The following BBX variants were observed in gnomAD, a reference collection of about 807,000 sequenced individuals.
BBX encodes HMG box transcription factor BBX.
Under a neutral mutation model 100.2 loss-of-function variants are expected in BBX, and 30 were observed. The observed-to-expected ratio is 0.30, with a 90% confidence interval of 0.22 to 0.41. The LOEUF (loss-of-function observed/expected upper bound fraction) is 0.41, where lower values mean the gene tolerates loss of function less well. BBX is among the 10% of genes least tolerant of loss of function. The probability of loss-of-function intolerance (pLI) is 1.00; values close to 1 mark genes in which losing one functional copy is unlikely to be tolerated. For missense variants in BBX, 1,023 were observed against 1,129.8 expected (o/e 0.91, Z 1.35); for synonymous variants, 376 against 388.1 (o/e 0.97, Z 0.37).
chr3:107,654,909 G>A (rs887156994), intron 3 of BBX, among the ~76,000 whole-genome samples: 1 of 152,136 alleles, frequency 6.6e-6, no homozygotes, highest in African/African-American at 2.4e-5. Flanking sequence ...CATATGGCAG[G>A]CACTATTAAG....
At chr3:107,628,108 C>T (rs2056316210) in intron 2 of BBX, among the ~76,000 whole-genome samples, 1 of 152,010 alleles carries the variant, frequency 6.6e-6, no homozygotes, top group Non-Finnish European at 1.5e-5. Context: ...AATCAGTAGA[C>T]TATCTTGATT....
chr3:107,533,250 G>T (rs2048283883), intron 2 of BBX, among the ~76,000 whole-genome samples: 1 of 152,080 alleles, frequency 6.6e-6, no homozygotes, highest in South Asian at 2.1e-4. Context: ...TTTAAATAAG[G>T]GATTGTGATC....
chr3:107,701,350 T>C (rs2061035597), intron 3 of BBX, among the ~76,000 whole-genome samples: 1 of 152,216 alleles, frequency 6.6e-6, no homozygotes, highest in Non-Finnish European at 1.5e-5. Context: ...TTGGGCATGC[T>C]GCTTAAGGTT....
chr3:107,673,848 AC>A (rs1270809855), intron 3 of BBX, among the ~76,000 whole-genome samples: 1 of 152,162 alleles, frequency 6.6e-6, no homozygotes. Context: ...ATAAACACAT[AC>A]CTTTTCCACA....
intron 2 of BBX, among the ~76,000 whole-genome samples, chr3:107,535,593 C>CTTTT: frequency 7.5e-6 from 1 of 132,854 alleles, no homozygotes; most frequent in Non-Finnish European, 1.6e-5. Flanking sequence ...TGCTCTGTTC[C>CTTTT]TTTTTTTTTT....
intron 13 of BBX, among the ~76,000 whole-genome samples, chr3:107,782,046 T>C (rs1015177799): frequency 2.6e-5 from 4 of 152,172 alleles, no homozygotes; most frequent in African/African-American, 9.6e-5. Context: ...CAGAGTTCTG[T>C]ATCTTTCTCC....
chr3:107,661,385 A>G (rs1232428414), intron 3 of BBX, among the ~76,000 whole-genome samples: 3 of 152,164 alleles, frequency 2.0e-5, no homozygotes, highest in Non-Finnish European at 2.9e-5. Flanking sequence ...GTCTTGGGCA[A>G]GTCACATTAC....
rs58393281 is a variant in BBX at position 107,584,672 on chromosome 3, C to CTT, written c.-84+58309_-84+58310dup. ...TAAAAAGTGATTTTTCCGTTGAAAT[C>CTT]TTTTTTTTTTTTTTTTTTTTTTTTT... On this transcript the variant is annotated intron_variant, in intron 2 of 17. Coordinates refer to ENST00000325805, the MANE Select transcript of BBX (RefSeq NM_001142568.3). Among the ~76,000 whole-genome samples, 7 of 28,374 alleles carry CTT rather than the reference C, an allele frequency of 2.5e-4. 2 individuals carry two copies. Among genetic ancestry groups the CTT allele is most frequent in the Admixed American group, 6.7e-4 (1 of 1,490 alleles). The allele number at this position is 28,374 out of a possible 152,430, so 18.6% of individuals were successfully genotyped here. A position where few individuals can be genotyped will look rare whatever the true frequency, so the allele number is the denominator to read the frequency against.
chr3:107,592,305 G>A (rs1393990018), intron 2 of BBX, among the ~76,000 whole-genome samples: 1 of 142,012 alleles, frequency 7.0e-6, no homozygotes, highest in Non-Finnish European at 1.5e-5. Flanking sequence ...AGGTTGCAGT[G>A]AGCCGAGATT....
At chr3:107,593,607 G>T (rs957765598) in intron 2 of BBX, among the ~76,000 whole-genome samples, 1 of 152,178 alleles carries the variant, frequency 6.6e-6, no homozygotes, top group Non-Finnish European at 1.5e-5. Context: ...GATCGTAGAG[G>T]GTAATGGGGA....
intron 2 of BBX, among the ~76,000 whole-genome samples, chr3:107,541,374 A>G (rs1436248096): frequency 6.6e-6 from 1 of 152,184 alleles, no homozygotes; most frequent in Non-Finnish European, 1.5e-5. Flanking sequence ...TATTTGGAGT[A>G]GCAGTGGTGA....
intron 2 of BBX, among the ~76,000 whole-genome samples, chr3:107,615,209 C>T (rs75823315): frequency 2.7e-3 from 415 of 152,176 alleles, no homozygotes; most frequent in Non-Finnish European, 4.9e-3. Context: ...TATTTAAGAA[C>T]TTGAGTTAAT....
In BBX at chr3:107,809,654, C is replaced by T. The variant is rs2071213172; in HGVS notation, c.*4197C>T. 3.9e-5 allele frequency: 6 copies of T among 152,188 alleles called. No homozygotes were observed. Among genetic ancestry groups the T allele is most frequent in the Admixed American group, 3.9e-4 (6 of 15,278 alleles). 9.4% of individuals were successfully genotyped at this position (152,188 alleles called of 1,614,324 possible). On this transcript the variant is annotated 3_prime_UTR_variant, in exon 18 of 18. Transcript: ENST00000325805. ...TTTTGACTTCACAAACTGCCTCCTC[C>T]AGAGAGAACAATGTATTGCTGAAAA...
chr3:107,603,981 G>C (rs1174266908), intron 2 of BBX, among the ~76,000 whole-genome samples: 1 of 152,052 alleles, frequency 6.6e-6, no homozygotes, highest in African/African-American at 2.4e-5. Context: ...TGGCTTTATT[G>C]TGGTGGTCTG....
chr3:107,752,698 T>A (rs919367708), intron 9 of BBX, among the ~76,000 whole-genome samples: 1 of 152,182 alleles, frequency 6.6e-6, no homozygotes, highest in Non-Finnish European at 1.5e-5. Context: ...ATACTGTTTA[T>A]CCAAACATTA....
intron 2 of BBX, among the ~76,000 whole-genome samples, chr3:107,544,192 G>A (rs562165835): frequency 1.3e-5 from 2 of 152,292 alleles, no homozygotes; most frequent in African/African-American, 4.8e-5. Context: ...ATACTAGCCA[G>A]GTAATCTGGG....
chr3:107,603,212 C>A (rs2054185879), intron 2 of BBX, among the ~76,000 whole-genome samples: 1 of 152,096 alleles, frequency 6.6e-6, no homozygotes, highest in African/African-American at 2.4e-5. Flanking sequence ...GATCCACCTG[C>A]CTCGGCCTCC....
rs773192279 is a variant in BBX, at chr3:107,801,228, G to T, written c.2685G>T (p.Ala895=). The change falls in exon 17 of 18, where the codon GCG becomes GCT. Residue 895 remains alanine, a synonymous_variant. Transcript: ENST00000325805. ...SSTPEMPAVS[A]FFSLAALAEV... is the part of the protein sequence containing the mutation. ...CTCCAGAAATGCCTGCCGTGTCTGC[G>T]TTCTTTAGCCTCGCTGCGCTGGCTG... The T allele has an allele frequency of 7.4e-6, 12 of 1,614,046 alleles. No individual in the cohort carries two copies. The highest frequency in any genetic ancestry group is 1.6e-4 in the Middle Eastern group (1 of 6,084).
At chr3:107,633,137 TAA>T (rs1430698034) in intron 2 of BBX, among the ~76,000 whole-genome samples, 1 of 152,112 alleles carries the variant, frequency 6.6e-6, no homozygotes, top group African/African-American at 2.4e-5. Flanking sequence ...CTTTATTATA[TAA>T]GTTACTATAA....
Sources: allele counts gnomAD v4.1 joint callset (sites outside exome capture counted in the v4.1 genomes callset), GRCh38; gene constraint gnomAD v4.1.1; transcripts MANE v1.5; gene names NCBI Gene and HGNC (gene_info 2026-07-23, HGNC 2026-07-21).